Variants in GLRA2 observed in about 807,000 individuals in gnomAD.
The protein encoded by GLRA2 is glycine receptor alpha 2.
A neutral mutation model predicts 31.6 loss-of-function variants in GLRA2; 11 were observed. The ratio of observed to expected loss-of-function variants is 0.35; its 90% CI spans 0.22 to 0.58. GLRA2 has a LOEUF of 0.58. Among genes scored for constraint, GLRA2 ranks in the 20% least tolerant of loss-of-function variants. The pLI is 0.84. For synonymous variants in GLRA2, 132 were observed against 134.0 expected (o/e 0.99, Z 0.10); for missense variants, 212 against 351.8 (o/e 0.60, Z 3.18).
At chrX:14,644,891 C>T (rs1407163691) in intron 7 of GLRA2, among the ~76,000 whole-genome samples, 1 of 111,841 alleles carries the variant, frequency 8.9e-6, no homozygotes, top group Non-Finnish European at 1.9e-5. Flanking sequence ...CAATTTCTTT[C>T]CTACTTGCTT....
chrX:14,530,137 G>A lies in GLRA2; in HGVS notation c.68+12G>A, dbSNP rs754170006. On this transcript the variant is annotated intron_variant, in intron 1 of 8. Coordinates refer to ENST00000218075, the MANE Select transcript of GLRA2 (RefSeq NM_002063.4). ...ACAAACCACTTCAGGTAGGTGAAAC[G>A]ACTTTGCATGTTGATATTTAAATTG... 4.7e-6 allele frequency: 5 copies of A among 1,069,133 alleles called. No homozygotes were observed. The highest frequency in any genetic ancestry group is 3.7e-5 in the South Asian group (2 of 53,791). 88.1% of individuals were successfully genotyped at this position (1,069,133 alleles called of 1,213,427 possible).
At chrX:14,512,502 G>A in the GLRA2 span, among the ~76,000 whole-genome samples, 8 of 111,425 alleles carry the variant, frequency 7.2e-5, 1 homozygote, top group East Asian at 1.7e-3. Flanking sequence ...CTGATGATAT[G>A]ATCATATACC....
At chrX:14,485,397 T>C in the GLRA2 span, among the ~76,000 whole-genome samples, 4 of 112,506 alleles carry the variant, frequency 3.6e-5, no homozygotes, top group African/African-American at 1.3e-4. Flanking sequence ...ACATGTATTC[T>C]ATATGTATTT....
chrX:14,448,937 T>C, the GLRA2 span, among the ~76,000 whole-genome samples: 1 of 110,754 alleles, frequency 9.0e-6, no homozygotes, highest in Non-Finnish European at 1.9e-5. Flanking sequence ...AGGTGGACGG[T>C]GAGTGAGCTG....
At chrX:14,611,500 T>C (rs1486386549) in intron 7 of GLRA2, among the ~76,000 whole-genome samples, 1 of 113,153 alleles carries the variant, frequency 8.8e-6, no homozygotes, top group Non-Finnish European at 1.9e-5. Context: ...TTTTACACCA[T>C]CTTAGATATT....
chrX:14,622,131 ATG>A (rs2090527387), intron 7 of GLRA2, among the ~76,000 whole-genome samples: 1 of 111,935 alleles, frequency 8.9e-6, no homozygotes, highest in African/African-American at 3.2e-5. Context: ...GCATTTTTTC[ATG>A]TGTCTTTTGG....
intron 7 of GLRA2, among the ~76,000 whole-genome samples, chrX:14,655,676 T>C (rs1378240151): frequency 9.0e-6 from 1 of 111,569 alleles, no homozygotes; most frequent in Admixed American, 9.5e-5. Flanking sequence ...CCCAGAAGGA[T>C]GTTTCTACAG....
At chrX:14,582,941 C>T (rs962160484) in intron 4 of GLRA2, among the ~76,000 whole-genome samples, 5 of 112,052 alleles carry the variant, frequency 4.5e-5, no homozygotes, top group African/African-American at 6.5e-5. Context: ...GGCCCTTTGG[C>T]TGTAGTTTGC....
intron 8 of GLRA2, among the ~76,000 whole-genome samples, chrX:14,704,717 T>C (rs1195978788): frequency 8.9e-6 from 1 of 112,071 alleles, no homozygotes; most frequent in Non-Finnish European, 1.9e-5. Flanking sequence ...CCTGCCTTCT[T>C]AGTTTTCATT....
intron 7 of GLRA2, among the ~76,000 whole-genome samples, chrX:14,679,612 G>A (rs776461880): frequency 1.5e-4 from 16 of 110,145 alleles, no homozygotes; most frequent in Non-Finnish European, 2.8e-4. Context: ...AGCATATCCC[G>A]GTCACTGGGT....
rs139570527 is a variant in GLRA2 at position 14,678,429 on chromosome X, G to C, written c.931-12281G>C. 2.7e-5 allele frequency among the ~76,000 whole-genome samples: 3 copies of C among 111,823 alleles called. No individual in the cohort carries two copies. In the East Asian group the frequency reaches 8.5e-4, roughly 32 times the overall value. On this transcript the variant is annotated intron_variant, in intron 7 of 8. Transcript: ENST00000218075. ...TTGTTATAATAACCAGGCATTAGGT[G>C]TTGATGGATAGGATTAAAGTGACAT...
chrX:14,588,935 A>C (rs1307292275), intron 4 of GLRA2, among the ~76,000 whole-genome samples: 1 of 112,150 alleles, frequency 8.9e-6, no homozygotes, highest in Non-Finnish European at 1.9e-5. Context: ...TTTGTGTCCT[A>C]AAATTGTACT....
intron 2 of GLRA2, among the ~76,000 whole-genome samples, 196 bp downstream of exon 2, chrX:14,532,568 C>T (rs199966924): frequency 1.9e-4 from 21 of 111,848 alleles, no homozygotes; most frequent in Non-Finnish European, 3.8e-4. Flanking sequence ...TGAAAACTTT[C>T]CTTGTTTGTG....
At position 14,689,433 on chromosome X, in the gene GLRA2, A is replaced by C. The variant is rs746913480; in HGVS notation, c.931-1277A>C. On this transcript the variant is annotated intron_variant, in intron 7 of 8. Coordinates refer to ENST00000218075, the MANE Select transcript of GLRA2 (RefSeq NM_002063.4). ...AGTAACATGGGAAATGCTCAGTATA[A>C]AGGTCAAAGGGAAATGCAAAGATAC... Among the ~76,000 whole-genome samples, 3 of 112,668 alleles carry C rather than the reference A, an allele frequency of 2.7e-5. No homozygotes were observed. In the East Asian group the frequency reaches 8.3e-4, roughly 31 times the overall value.
rs1335025550 is a variant in GLRA2, at chrX:14,731,427, G to T, written c.*942G>T. 1 of 111,880 alleles carries T rather than the reference G, an allele frequency of 8.9e-6. No homozygotes were observed. The highest frequency in any genetic ancestry group is 1.9e-5 in the Non-Finnish European group (1 of 53,196). The allele number at this position is 111,880 out of a possible 1,213,427, so 9.2% of individuals were successfully genotyped here. On this transcript the variant is annotated 3_prime_UTR_variant, in exon 9 of 9. Coordinates refer to ENST00000218075, the MANE Select transcript of GLRA2 (RefSeq NM_002063.4). ...CTCAGCTACAGTATTTATGGAGATG[G>T]TGTGTCCTGAACAGTGTAGCTCAGG...
chrX:14,604,321 C>A lies in GLRA2; in HGVS notation c.501C>A (p.Thr167=), dbSNP rs768990489. ...NGKVLYSIRL[T]LTLSCPMDLK... is the part of the protein sequence containing the mutation. ...TTTTTTTTTGTTTGCTAAGACTCAC[C>A]TTGACCTTATCCTGTCCCATGGACT... The change falls in exon 5 of 9, where the codon ACC becomes ACA. Residue 167 remains threonine (T), a synonymous_variant. Transcript: ENST00000218075. The A allele has an allele frequency of 1.7e-6, 2 of 1,156,575 alleles. No homozygotes were observed. Among genetic ancestry groups the A allele is most frequent in the Non-Finnish European group, 2.4e-6 (2 of 848,499 alleles).
At chrX:14,571,342 C>T (rs2089880448) in intron 2 of GLRA2, among the ~76,000 whole-genome samples, 1 of 111,723 alleles carries the variant, frequency 9.0e-6, no homozygotes, top group Non-Finnish European at 1.9e-5. Flanking sequence ...GTGCTAAATG[C>T]AGATGAAAGG....
intron 2 of GLRA2, among the ~76,000 whole-genome samples, chrX:14,553,729 C>T (rs1217841826): frequency 1.8e-5 from 2 of 111,623 alleles, no homozygotes; most frequent in Non-Finnish European, 3.8e-5. Flanking sequence ...GAATTAGTGT[C>T]TCCTGAGAGT....
intron 7 of GLRA2, among the ~76,000 whole-genome samples, chrX:14,638,326 C>G (rs1269513332): frequency 9.0e-6 from 1 of 110,951 alleles, no homozygotes; most frequent in African/African-American, 3.3e-5. Flanking sequence ...TCAAAAAAAC[C>G]TATTTTCATG....
Sources: gnomAD v4.1 joint callset for allele counts (sites outside exome capture counted in the v4.1 genomes callset) on GRCh38, gnomAD v4.1.1 for gene constraint, MANE v1.5 for transcripts, NCBI Gene and HGNC (gene_info 2026-07-23, HGNC 2026-07-21) for gene names.